Variants in SYNE2 observed in about 807,000 individuals in gnomAD.
The protein encoded by SYNE2 is nesprin-2.
SYNE2 carries 431 observed loss-of-function variants against 856.3 expected under a neutral mutation model. The ratio of observed to expected loss-of-function variants is 0.50; its 90% CI spans 0.47 to 0.55. The LOEUF (loss-of-function observed/expected upper bound fraction) is 0.55. Among genes scored for constraint, SYNE2 ranks in the 20% least tolerant of loss-of-function variants. SYNE2 has a pLI of 0.00. For missense variants in SYNE2, 8,129 were observed against 8,023.2 expected (o/e 1.01, Z -0.50); for synonymous variants, 2,923 against 2,872.3 (o/e 1.02, Z -0.56).
At chr14:63,829,509 T>G (rs1283071983) in intron 1 of SYNE2, among the ~76,000 whole-genome samples, 1 of 152,134 alleles carries the variant, frequency 6.6e-6, no homozygotes, top group Non-Finnish European at 1.5e-5. Context: ...GCAATTCCAC[T>G]CCTAGATACA....
intron 71 of SYNE2, among the ~76,000 whole-genome samples, chr14:64,125,539 A>G (rs1302128649): frequency 6.6e-6 from 1 of 152,132 alleles, no homozygotes; most frequent in Non-Finnish European, 1.5e-5. Context: ...TTCAACCCTG[A>G]GCAGACTTAA....
At chr14:63,778,679 T>TA (rs753729440) in intron 1 of SYNE2, among the ~76,000 whole-genome samples, 65 of 152,192 alleles carry the variant, frequency 4.3e-4, no homozygotes, top group Non-Finnish European at 8.5e-4. Flanking sequence ...CATGCCAAGC[T>TA]AATTTTTGTC....
chr14:64,001,008 A>G (rs1013804189), intron 28 of SYNE2, among the ~76,000 whole-genome samples: 3 of 152,214 alleles, frequency 2.0e-5, no homozygotes, highest in African/African-American at 7.2e-5. Flanking sequence ...TCTTTTGGGC[A>G]TGAATTCGAC....
intron 18 of SYNE2, among the ~76,000 whole-genome samples, chr14:63,985,876 C>T (rs370134498): frequency 5.9e-5 from 9 of 152,204 alleles, no homozygotes; most frequent in Admixed American, 6.5e-5. Flanking sequence ...GACGTAGTGG[C>T]ATACACCTGT....
intron 1 of SYNE2, among the ~76,000 whole-genome samples, chr14:63,905,065 G>T (rs1304146812): frequency 2.6e-5 from 4 of 152,134 alleles, no homozygotes; most frequent in African/African-American, 9.7e-5. Context: ...ATTGAATAGG[G>T]AGTCATTTCC....
At position 64,209,539 on chromosome 14, in the gene SYNE2, G is replaced by A. The variant is rs779799809; in HGVS notation, c.18501G>A (p.Val6167=). The A allele has an allele frequency of 6.2e-7, 1 of 1,614,216 alleles. No homozygotes were observed. Among genetic ancestry groups the A allele is most frequent in the Non-Finnish European group, 8.5e-7 (1 of 1,180,036 alleles). Residue 6167 remains valine (V), a synonymous_variant, in exon 102 of 116, where the codon GTG becomes GTA. Transcript: ENST00000555002. ...CAGCCTGCCCAAATTCCTCAGAGGT[G>A]TTGTACACGAGTGCCAAAGAGGAAC... ...RTAACPNSSE[V]LYTSAKEELK...
At chr14:64,046,607 C>T (rs549128139) in intron 45 of SYNE2, among the ~76,000 whole-genome samples, 43 of 152,346 alleles carry the variant, frequency 2.8e-4, no homozygotes, top group African/African-American at 9.9e-4. Flanking sequence ...CCACCTACCT[C>T]GGCCTCCCAA....
rs936362952 is a variant in SYNE2, at chr14:64,225,489, C to T, written c.20687C>T (p.Pro6896Leu). Residue 6896 changes from proline (P) to leucine (L), a missense_variant, in exon 116 of 116, where the codon CCC becomes CTC. By Grantham distance (98) the Pro-to-Leu change is moderately conservative. Around this residue, in one of 3 missense-constraint regions of SYNE2, gnomAD observed 5,410 missense variants for 5,284.8 expected, o/e 1.02. Transcript: ENST00000555002. ...AACAACTTTGCCCGGTCCTTTTACC[C>T]CATGCTGAGGTACACCAATGGGCCA... ...QANNFARSFY[P>L]MLRYTNGPPP... The T allele has an allele frequency of 3.1e-6, 5 of 1,614,198 alleles. No homozygotes were observed. Among genetic ancestry groups the T allele is most frequent in the Non-Finnish European group, 4.2e-6 (5 of 1,180,036 alleles).
chr14:63,797,090 AAAAAGAAAAG>A (rs367714264), intron 1 of SYNE2, among the ~76,000 whole-genome samples: 9 of 148,330 alleles, frequency 6.1e-5, no homozygotes, highest in South Asian at 4.2e-4. Flanking sequence ...AAAAAAAAAA[AAAAAGAAAAG>A]AAAAGAAAAG....
intron 1 of SYNE2, among the ~76,000 whole-genome samples, chr14:63,889,121 G>A (rs1329063732): frequency 6.7e-6 from 1 of 148,518 alleles, no homozygotes; most frequent in Non-Finnish European, 1.5e-5. Context: ...ATTCACTGGT[G>A]GCATTTGGAT....
chr14:64,070,978 A>G (rs2097401672), intron 52 of SYNE2, 68 bp downstream of exon 52: 12 of 1,540,494 alleles, frequency 7.8e-6, no homozygotes, highest in Non-Finnish European at 1.1e-5. Context: ...AGAAAATCTA[A>G]AAGTATAGAA....
chr14:64,142,939 CAA>C (rs1158801240), intron 82 of SYNE2, among the ~76,000 whole-genome samples: 2 of 152,216 alleles, frequency 1.3e-5, no homozygotes, highest in East Asian at 3.8e-4. Context: ...AGATGAGTGA[CAA>C]GTGTGGTCAT....
chr14:63,841,836 T>TC (rs978787650), intron 1 of SYNE2, among the ~76,000 whole-genome samples: 3 of 138,990 alleles, frequency 2.2e-5, no homozygotes, highest in Non-Finnish European at 3.2e-5. Flanking sequence ...TTCTTTCTTT[T>TC]TTTTTTTTTT....
Position 64,031,607 on chromosome 14 carries a change from A to G in SYNE2, c.7221+250A>G, listed in dbSNP as rs549327147. The stretch of plus-strand genomic sequence containing the variant: ...GGTTTATTATTCTCTCTGATAGGTA[A>G]TCAGATACCGTTTCTTGGGTCAAGA... On this transcript the variant is annotated intron_variant, in intron 45 of 115. Coordinates refer to ENST00000555002, the MANE Select transcript of SYNE2 (RefSeq NM_182914.3). 2.6e-5 allele frequency among the ~76,000 whole-genome samples: 4 copies of G among 152,352 alleles called. No homozygotes were observed. The South Asian group carries it at 8.3e-4, about 32-fold the overall frequency.
chr14:63,938,119 A>AGGGGC (rs1394448281), intron 2 of SYNE2, among the ~76,000 whole-genome samples: 1 of 152,108 alleles, frequency 6.6e-6, no homozygotes, highest in East Asian at 1.9e-4. Flanking sequence ...CGAGAAACTG[A>AGGGGC]GGGGCCAGGA....
At chr14:63,827,404 C>T (rs983856179) in intron 1 of SYNE2, among the ~76,000 whole-genome samples, 5 of 151,708 alleles carry the variant, frequency 3.3e-5, no homozygotes, top group Admixed American at 6.6e-5. Flanking sequence ...GCAGGTGGAT[C>T]ACCTAAGGTT....
chr14:64,052,862 T>G lies in SYNE2; in HGVS notation c.8949T>G (p.Asn2983Lys). Residue 2983 changes from asparagine to lysine, a missense_variant, in exon 48 of 116, where the codon AAT becomes AAG. This residue lies in a region of SYNE2 where 5,410 missense variants were observed against 5,284.8 expected (regional missense o/e 1.02). Coordinates refer to ENST00000555002, the MANE Select transcript of SYNE2 (RefSeq NM_182914.3). Reference protein sequence around the residue: ...VNKGVKEEIYNLKDRLTAIKC... With the variant: ...VNKGVKEEIYKLKDRLTAIKC... ...AAGGTGTTAAAGAGGAGATCTATAATCTTAAAGACAGACTCACCGCTATTA... is the reference window on the plus strand; with the variant it reads ...AAGGTGTTAAAGAGGAGATCTATAAGCTTAAAGACAGACTCACCGCTATTA... 1 of 1,613,768 alleles carries G rather than the reference T, an allele frequency of 6.2e-7. No individual in the cohort carries two copies. Among genetic ancestry groups the G allele is most frequent in the Non-Finnish European group, 8.5e-7 (1 of 1,179,968 alleles).
At position 64,051,677 on chromosome 14, in the gene SYNE2, G is replaced by T. The variant is rs1256938078; in HGVS notation, c.7764G>T (p.Val2588=). 2 of 1,614,162 alleles carry T rather than the reference G, an allele frequency of 1.2e-6. No individual in the cohort carries two copies. The highest frequency in any genetic ancestry group is 1.1e-5 in the South Asian group (1 of 91,060). ...AATGGGAGAATTTATCAAACCACGT[G>T]ACTGACATGGATAAGAAATTGTTGG... is the stretch of plus-strand genomic sequence containing the variant. The part of the protein sequence containing the change: ...KIKWENLSNH[V]TDMDKKLLES... Residue 2588 remains valine, a synonymous_variant, in exon 48 of 116, where the codon GTG becomes GTT. Coordinates refer to ENST00000555002, the MANE Select transcript of SYNE2 (RefSeq NM_182914.3).
At chr14:63,881,411 C>T (rs1296720070) in intron 1 of SYNE2, among the ~76,000 whole-genome samples, 1 of 151,792 alleles carries the variant, frequency 6.6e-6, no homozygotes. Flanking sequence ...GCTGTAATCC[C>T]AGCACTTTGG....
Sources: gnomAD v4.1 joint callset for allele counts (sites outside exome capture counted in the v4.1 genomes callset) on GRCh38, gnomAD v4.1.1 for gene constraint, gnomAD v4.1.1 regional missense constraint, MANE v1.5 for transcripts, NCBI Gene and HGNC (gene_info 2026-07-23, HGNC 2026-07-21) for gene names.